PTBP1: variants seen among roughly 807,000 people sequenced by gnomAD.
PTBP1 encodes the protein polypyrimidine tract-binding protein 1.
PTBP1 carries 8 observed loss-of-function variants against 59.8 expected under a neutral mutation model. That is an observed-to-expected ratio of 0.13 (90% CI 0.08 to 0.24). The LOEUF (loss-of-function observed/expected upper bound fraction) is 0.24, where lower values mean the gene tolerates loss of function less well. Ranked by LOEUF, PTBP1 falls within the 10% of genes least tolerant of loss-of-function variation. PTBP1 has a pLI of 1.00. For missense variants in PTBP1, 686 were observed against 767.0 expected, an observed-to-expected ratio of 0.89 and a Z score of 1.25; for synonymous variants, 490 against 320.7, an observed-to-expected ratio of 1.53 and a Z score of -5.64.
chr19:801,578 G>T (rs555118310), intron 2 of PTBP1, among the ~76,000 whole-genome samples: 1 of 152,340 alleles, frequency 6.6e-6, no homozygotes, highest in South Asian at 2.1e-4. Flanking sequence ...CCGCATGGGC[G>T]CTTGGCCACT....
At position 797,598 on chromosome 19, in the gene PTBP1, C is replaced by A. The variant is rs978253447; in HGVS notation, c.8+93C>A. On this transcript the variant is annotated intron_variant, in intron 1 of 14. Transcript: ENST00000356948. ...CGGCCTCCCCGGGGCCGATCTCGCCCCCTCTCGGGCGGGAGGGGGCGGCGG... is the reference window on the plus strand; with the variant it reads ...CGGCCTCCCCGGGGCCGATCTCGCCACCTCTCGGGCGGGAGGGGGCGGCGG... 1.1e-5 allele frequency: 10 copies of A among 898,550 alleles called. No homozygotes were observed. The East Asian group carries it at 3.4e-4, about 30-fold the overall frequency. 55.7% of individuals were successfully genotyped at this position (898,550 alleles called of 1,614,324 possible).
chr19:805,319 G>C (rs2034513862), intron 8 of PTBP1, 132 bp downstream of exon 8: 1 of 1,235,990 alleles, frequency 8.1e-7, no homozygotes. Context: ...GGCCAGCACA[G>C]CACGGTCCAG....
chr19:806,099 C>T (rs922519965), intron 9 of PTBP1: 16 of 322,716 alleles, frequency 5.0e-5, no homozygotes, highest in East Asian at 5.8e-5. Context: ...GGGACGGGCC[C>T]TGCTTGCCGA....
chr19:808,599 C>G lies in PTBP1; in HGVS notation c.1300C>G (p.Leu434Val). The change falls in exon 13 of 15, where the codon CTC (leucine) becomes GTC (valine). Residue 434 changes from leucine (L) to valine (V), a missense_variant. Physicochemically the swap from Leu to Val is conservative, Grantham distance 32. Transcript: ENST00000356948. The surrounding 1 kb of genome is among the most constrained non-coding windows in gnomAD (Gnocchi z 4.7). The part of the protein sequence containing the change: ...KLHGKPIRIT[L>V]SKHQNVQLPR... Reference sequence around the variant, plus strand: ...GCACGGGAAGCCCATCCGCATCACGCTCTCGAAGCACCAGAACGTGCAGCT... The same window carrying G: ...GCACGGGAAGCCCATCCGCATCACGGTCTCGAAGCACCAGAACGTGCAGCT... The G allele has an allele frequency of 1.9e-6, 3 of 1,608,514 alleles. No homozygotes were observed. Among genetic ancestry groups the G allele is most frequent in the Non-Finnish European group, 2.5e-6 (3 of 1,178,770 alleles).
intron 1 of PTBP1, among the ~76,000 whole-genome samples, chr19:797,746 A>T (rs2034135108): frequency 7.1e-6 from 1 of 140,870 alleles, no homozygotes; most frequent in African/African-American, 2.6e-5. Context: ...CCCCGTCCCT[A>T]GCGCACGCGG....
chr19:808,543 C>T lies in PTBP1; in HGVS notation c.1247-3C>T. The stretch of plus-strand genomic sequence containing the variant: ...CCTGGTCACGCGGGTGCTGCTCCCC[C>T]AGCCATGAGCCACCTGAACGGGCAC... On this transcript the variant is annotated splice_polypyrimidine_tract_variant and splice_region_variant and intron_variant, in intron 12 of 14. Coordinates refer to ENST00000356948, the MANE Select transcript of PTBP1 (RefSeq NM_002819.5). The surrounding 1 kb of genome is among the most constrained non-coding windows in gnomAD (Gnocchi z 4.7). The T allele has an allele frequency of 6.3e-7, 1 of 1,585,208 alleles. No homozygotes were observed. The highest frequency in any genetic ancestry group is 8.6e-7 in the Non-Finnish European group (1 of 1,168,122).
rs2034671350 is a variant in PTBP1, at chr19:808,289, G to C, written c.1154-71G>C. The C allele has an allele frequency of 7.6e-7, 1 of 1,313,092 alleles. No individual in the cohort carries two copies. Among genetic ancestry groups the C allele is most frequent in the African/African-American group, 1.5e-5 (1 of 68,298 alleles). The allele number at this position is 1,313,092 out of a possible 1,614,324, so 81.3% of individuals were successfully genotyped here. A position where few individuals can be genotyped will look rare whatever the true frequency, so the allele number is the denominator to read the frequency against. On this transcript the variant is annotated intron_variant, in intron 11 of 14. Transcript: ENST00000356948. The surrounding 1 kb of genome is among the most constrained non-coding windows in gnomAD (Gnocchi z 4.7). Reference sequence around the variant, plus strand: ...AGCCGGGCCTTGTGGGGGTGCGCGGGGCCGGGGCTGACGGGGAGATGGGCG... The same window carrying C: ...AGCCGGGCCTTGTGGGGGTGCGCGGCGCCGGGGCTGACGGGGAGATGGGCG...
intron 1 of PTBP1, chr19:798,304 G>A (rs1052538306): frequency 1.3e-5 from 2 of 152,178 alleles, no homozygotes; most frequent in Admixed American, 1.3e-4. Context: ...CTTCCCTTGG[G>A]AGAGGTGGGA....
rs769199817 is a variant in PTBP1 at position 808,691 on chromosome 19, C to T, written c.1392C>T (p.Phe464=). 2 of 1,613,192 alleles carry T rather than the reference C, an allele frequency of 1.2e-6. No homozygotes were observed. Among genetic ancestry groups the T allele is most frequent in the Non-Finnish European group, 1.7e-6 (2 of 1,179,968 alleles). ...KDYGNSPLHR[F]KKPGSKNFQN... is the part of the protein sequence containing the mutation. Reference sequence around the variant, plus strand: ...ACGGCAACTCACCCCTGCACCGCTTCAAGAAGCCGGGCTCCAAGAACTTCC... The same window carrying T: ...ACGGCAACTCACCCCTGCACCGCTTTAAGAAGCCGGGCTCCAAGAACTTCC... The change falls in exon 13 of 15, where the codon TTC becomes TTT. Residue 464 remains phenylalanine (F), a synonymous_variant. Coordinates refer to ENST00000356948, the MANE Select transcript of PTBP1 (RefSeq NM_002819.5). This position sits in a 1 kb window ranked among gnomAD's most constrained non-coding sequence, Gnocchi z 4.7.
chr19:808,082 T>C lies in PTBP1; in HGVS notation c.1153+180T>C. 6.0e-6 allele frequency: 4 copies of C among 664,308 alleles called. No individual in the cohort carries two copies. Among genetic ancestry groups the C allele is most frequent in the Non-Finnish European group, 1.1e-5 (4 of 372,956 alleles). The allele number at this position is 664,308 out of a possible 1,614,324, so 41.2% of individuals were successfully genotyped here. A position where few individuals can be genotyped will look rare whatever the true frequency, so the allele number is the denominator to read the frequency against. On this transcript the variant is annotated intron_variant, in intron 11 of 14. Transcript: ENST00000356948. This position sits in a 1 kb window ranked among gnomAD's most constrained non-coding sequence, Gnocchi z 4.7. ...GTCCCGTAGATACGTACGCATGGTT[T>C]ATCGCCCTGCATGCTTTTCAGAGTT... is the stretch of plus-strand genomic sequence containing the variant.
chr19:803,498 G>T, intron 2 of PTBP1, 63 bp from the exon 3 acceptor site: 7 of 1,442,514 alleles, frequency 4.9e-6, no homozygotes, highest in Non-Finnish European at 5.8e-6. Context: ...AGGGCCGGCC[G>T]GTGGGGAAGG....
In PTBP1 at chr19:810,583, A is replaced by C; in HGVS notation, c.1504A>C (p.Ser502Arg). Residue 502 changes from serine to arginine, a missense_variant, in exon 14 of 15, where the codon AGC (serine) becomes CGC (arginine). Physicochemically the swap from Ser to Arg is moderately radical, Grantham distance 110 (BLOSUM62 -1). Transcript: ENST00000356948. ...SEEDLKVLFS[S>R]NGGVVKGFKF... The stretch of plus-strand genomic sequence containing the variant: ...GGAGGATCTCAAGGTCCTGTTTTCC[A>C]GCAATGGGGGCGTCGTCAAAGGATT... 6.2e-7 allele frequency: 1 copy of C among 1,613,692 alleles called. No individual in the cohort carries two copies. Among genetic ancestry groups the C allele is most frequent in the Non-Finnish European group, 8.5e-7 (1 of 1,179,884 alleles).
rs748267919 is a variant in PTBP1, at chr19:808,445, C to A, written c.1239C>A (p.Ala413=). The change falls in exon 12 of 15, where the codon GCC becomes GCA. Residue 413 remains alanine (A), a synonymous_variant. Transcript: ENST00000356948. This position sits in a 1 kb window ranked among gnomAD's most constrained non-coding sequence, Gnocchi z 4.7. The stretch of plus-strand genomic sequence containing the variant: ...TGCAGATGGCGGACGGCAACCAGGC[C>A]CAGCTGGGTAAGAGGCCGGGGCGGC... ...ALVQMADGNQ[A]QLAMSHLNGH... is the part of the protein sequence containing the mutation. 51 of 1,603,010 alleles carry A rather than the reference C, an allele frequency of 3.2e-5. No individual in the cohort carries two copies. Among genetic ancestry groups the A allele is most frequent in the Non-Finnish European group, 4.1e-5 (48 of 1,176,298 alleles).
In PTBP1 at chr19:803,634, C is replaced by T. The variant is rs572475852; in HGVS notation, c.113C>T (p.Ala38Val). The part of the protein sequence containing the change: ...PFIMSSNSAS[A>V]ANGNDSKKFK... ...ATCATGAGCAGCAACTCGGCTTCTG[C>T]AGGTAAGGCCGGGACTCGGCCCAGG... The change falls in exon 3 of 15, where the codon GCA (alanine) becomes GTA (valine). Residue 38 changes from alanine to valine, a missense_variant and splice_region_variant. Transcript: ENST00000356948. The T allele has an allele frequency of 1.4e-5, 22 of 1,613,864 alleles. No homozygotes were observed. The Admixed American group carries it at 2.0e-4, about 15-fold the overall frequency.
At position 806,480 on chromosome 19, in the gene PTBP1, C is replaced by G; in HGVS notation, c.1043C>G (p.Ala348Gly). Reference sequence around the variant, plus strand: ...CCCTCGGCGGCGGCGGCAGCTGCGGCGGCAGGTCGGATCGCCATCCCGGGC... The same window carrying G: ...CCCTCGGCGGCGGCGGCAGCTGCGGGGGCAGGTCGGATCGCCATCCCGGGC... Reference protein sequence around the residue: ...AIPSAAAAAAAAGRIAIPGLA... With the variant: ...AIPSAAAAAAGAGRIAIPGLA... The change falls in exon 10 of 15, where the codon GCG (alanine) becomes GGG (glycine). Residue 348 changes from alanine to glycine, a missense_variant. Ala to Gly is a moderately conservative substitution (Grantham distance 60). Transcript: ENST00000356948. 1 of 1,589,150 alleles carries G rather than the reference C, an allele frequency of 6.3e-7. No individual in the cohort carries two copies. The highest frequency in any genetic ancestry group is 8.6e-7 in the Non-Finnish European group (1 of 1,169,240).
chr19:806,623 G>C, intron 10 of PTBP1, 67 bp downstream of exon 10: 1 of 1,411,828 alleles, frequency 7.1e-7, no homozygotes, highest in Non-Finnish European at 9.3e-7. Flanking sequence ...TTGTGCTCGG[G>C]CTCGGGTCCC....
In PTBP1 at chr19:811,503, T is replaced by C. The variant is rs1287884980; in HGVS notation, c.*677T>C. On this transcript the variant is annotated 3_prime_UTR_variant, in exon 15 of 15. Coordinates refer to ENST00000356948, the MANE Select transcript of PTBP1 (RefSeq NM_002819.5). ...CCAGTTGACCAAATATTCTAATCTT[T>C]TTTCATTTATATGCAAAAGAAATAG... 2 of 152,464 alleles carry C rather than the reference T, an allele frequency of 1.3e-5. No homozygotes were observed. Among genetic ancestry groups the C allele is most frequent in the Non-Finnish European group, 1.5e-5 (1 of 68,042 alleles). The allele number at this position is 152,464 out of a possible 1,614,324, so 9.4% of individuals were successfully genotyped here. A position where few individuals can be genotyped will look rare whatever the true frequency, so the allele number is the denominator to read the frequency against.
chr19:798,936 G>A (rs911900677), intron 1 of PTBP1, among the ~76,000 whole-genome samples: 8 of 152,338 alleles, frequency 5.3e-5, no homozygotes, highest in Middle Eastern at 6.8e-3. Flanking sequence ...TCGGTGGATC[G>A]GGCTCCACTC....
In PTBP1 at chr19:810,971, A is replaced by G. The variant is rs1440885551; in HGVS notation, c.*145A>G. On this transcript the variant is annotated 3_prime_UTR_variant, in exon 15 of 15. Coordinates refer to ENST00000356948, the MANE Select transcript of PTBP1 (RefSeq NM_002819.5). The stretch of plus-strand genomic sequence containing the variant: ...AATCAGTTTACCTGTTTTTAAAAAA[A>G]TTAAATCTAGTTCACCTTGCTCACC... The G allele has an allele frequency of 2.2e-6, 2 of 908,224 alleles. No individual in the cohort carries two copies. Among genetic ancestry groups the G allele is most frequent in the South Asian group, 2.1e-5 (1 of 47,854 alleles). The allele number at this position is 908,224 out of a possible 1,614,324, so 56.3% of individuals were successfully genotyped here.
Sources: gnomAD v4.1 joint callset for allele counts (sites outside exome capture counted in the v4.1 genomes callset) on GRCh38, gnomAD v4.1.1 for gene constraint, Gnocchi (gnomAD v3.1) non-coding constraint, MANE v1.5 for transcripts, NCBI Gene and HGNC (gene_info 2026-07-23, HGNC 2026-07-21) for gene names.